TNNT3: variants seen among roughly 807,000 people sequenced by gnomAD.
TNNT3 encodes the protein troponin T3, fast skeletal type.
Under a neutral mutation model 54.2 loss-of-function variants are expected in TNNT3, and 36 were observed. That is an observed-to-expected ratio of 0.66 (90% confidence interval 0.51 to 0.88). TNNT3 has a LOEUF of 0.88. TNNT3 is among the 40% of genes least tolerant of loss of function. The pLI is 0.00. For synonymous variants in TNNT3, 120 were observed against 109.7 expected (o/e 1.09, Z -0.59); for missense variants, 291 against 331.6 (o/e 0.88, Z 0.95).
chr11:1,936,915 A>G (rs1261912297), intron 14 of TNNT3, 48 bp from the exon 15 acceptor site: 4 of 1,574,608 alleles, frequency 2.5e-6, no homozygotes. Flanking sequence ...CAGTACACGC[A>G]GGCCTGGCCC....
At chr11:1,936,190 T>A (rs1161018287) in intron 14 of TNNT3, 4 of 1,613,720 alleles carry the variant, frequency 2.5e-6, no homozygotes, top group Non-Finnish European at 3.4e-6. Flanking sequence ...CCATCCAGCC[T>A]TGTAACCATC....
Position 1,926,680 on chromosome 11 carries a change from A to G in TNNT3, c.68-15A>G. ...CTCTCCCGCCCTTTCTGCCACCATG[A>G]CGCTGCTTCTGCAGAGGAAGTTCAA... On this transcript the variant is annotated splice_polypyrimidine_tract_variant and intron_variant, in intron 5 of 15. Transcript: ENST00000278317. 6.2e-7 allele frequency: 1 copy of G among 1,613,312 alleles called. No homozygotes were observed. The highest frequency in any genetic ancestry group is 8.5e-7 in the Non-Finnish European group (1 of 1,179,962).
At position 1,929,728 on chromosome 11, in the gene TNNT3, G is replaced by T. The variant is rs369979472; in HGVS notation, c.107-82G>T. The stretch of plus-strand genomic sequence containing the variant: ...AGTGAAGGGGAACCCAGGGCCGCAG[G>T]CCGCCCAGTCTCACCCAGGCTGTCT... On this transcript the variant is annotated intron_variant, in intron 7 of 15. Coordinates refer to ENST00000278317, the MANE Select transcript of TNNT3 (RefSeq NM_006757.4). 1.7e-4 allele frequency: 262 copies of T among 1,501,094 alleles called. 1 individual carries two copies. The highest frequency in any genetic ancestry group is 2.3e-4 in the Non-Finnish European group (249 of 1,101,522). 93.0% of individuals were successfully genotyped at this position (1,501,094 alleles called of 1,614,324 possible).
chr11:1,929,123 C>A lies in TNNT3; in HGVS notation c.86C>A (p.Thr29Asn), dbSNP rs1233477669. ...TGTGCCTTTTGCCACCTGGAAGACA[C>A]CGCAGAGGAGGACGCGGAAGGTAAG... The part of the protein sequence containing the change: ...AQEEEEVQED[T>N]AEEDAEEEKP... The change falls in exon 7 of 16, where the codon ACC becomes AAC. Residue 29 changes from threonine to asparagine, a missense_variant. Thr to Asn is a moderately conservative substitution (Grantham distance 65, BLOSUM62 0). Transcript: ENST00000278317. The A allele has an allele frequency of 1.9e-6, 3 of 1,613,136 alleles. No homozygotes were observed. The highest frequency in any genetic ancestry group is 2.7e-5 in the African/African-American group (2 of 74,938).
intron 15 of TNNT3, 47 bp downstream of exon 15, chr11:1,937,050 TG>T: frequency 6.4e-7 from 1 of 1,552,262 alleles, no homozygotes. Flanking sequence ...CAGGGGCCCT[TG>T]GGGCCAGCCG....
At chr11:1,920,912 G>A (rs1301672435) in intron 1 of TNNT3, among the ~76,000 whole-genome samples, 1 of 152,156 alleles carries the variant, frequency 6.6e-6, no homozygotes, top group Non-Finnish European at 1.5e-5. Context: ...GCCTTGTGTT[G>A]CTTCCAGGCG....
At position 1,923,017 on chromosome 11, in the gene TNNT3, C is replaced by A. The variant is rs753975720; in HGVS notation, c.18-31C>A. 10 of 1,613,742 alleles carry A rather than the reference C, an allele frequency of 6.2e-6. No homozygotes were observed. In the Admixed American group the frequency reaches 1.5e-4, roughly 24 times the overall value. On this transcript the variant is annotated intron_variant, in intron 2 of 15. Coordinates refer to ENST00000278317, the MANE Select transcript of TNNT3 (RefSeq NM_006757.4). ...AAGCCCAGCCTCACTACCTCTCTCT[C>A]TTTCTTTCTCTCTCTCTCCCTGCCC... is the stretch of plus-strand genomic sequence containing the variant.
intron 4 of TNNT3, among the ~76,000 whole-genome samples, chr11:1,924,062 A>G (rs73413018): frequency 0.035 from 5,337 of 151,512 alleles, 332 homozygotes; most frequent in African/African-American, 0.12. Context: ...GTGCCTGTGT[A>G]TCTCTCAGCT....
chr11:1,935,236 T>A (rs1854626373), intron 14 of TNNT3: 2 of 460,140 alleles, frequency 4.3e-6, no homozygotes, highest in Non-Finnish European at 8.0e-6. Context: ...CAGGGTTCAT[T>A]TTCGGAACCC....
intron 5 of TNNT3, 145 bp downstream of exon 5, chr11:1,925,261 G>C (rs1194329202): frequency 6.2e-7 from 1 of 1,605,758 alleles, no homozygotes; most frequent in African/African-American, 1.3e-5. Flanking sequence ...CTCAGCTGCA[G>C]AAGTCCATGA....
At chr11:1,926,976 G>T (rs1307719532) in intron 6 of TNNT3, among the ~76,000 whole-genome samples, 9 of 152,188 alleles carry the variant, frequency 5.9e-5, no homozygotes, top group Admixed American at 2.0e-4. Context: ...ACAGGAAGGT[G>T]GGAGGTGGGG....
chr11:1,927,509 GC>G (rs1851958417), intron 6 of TNNT3, among the ~76,000 whole-genome samples: 1 of 152,154 alleles, frequency 6.6e-6, no homozygotes, highest in African/African-American at 2.4e-5. Flanking sequence ...CCTCGGAGAG[GC>G]CCCTGGACAA....
intron 4 of TNNT3, 83 bp from the exon 5 acceptor site, chr11:1,925,016 C>A (rs756176045): frequency 3.9e-5 from 60 of 1,538,764 alleles, no homozygotes; most frequent in Non-Finnish European, 5.1e-5. Context: ...GTCCTTGCGG[C>A]CTGAGTACAC....
chr11:1,937,102 C>T (rs775756639), intron 15 of TNNT3, 99 bp downstream of exon 15: 19 of 1,329,686 alleles, frequency 1.4e-5, no homozygotes, highest in East Asian at 5.0e-5. Flanking sequence ...TGGCTGGCCT[C>T]GGCAGGGCAG....
chr11:1,938,317 G>A, intron 15 of TNNT3, 121 bp from the exon 16 acceptor site: 2 of 1,100,122 alleles, frequency 1.8e-6, no homozygotes, highest in Non-Finnish European at 2.8e-6. Context: ...CGCAAGCTTG[G>A]GCCGGGCCTG....
rs143371600 is a variant in TNNT3 at position 1,934,880 on chromosome 11, G to A, written c.642G>A (p.Lys214=). ...WETLHQLEID[K]FEFGEKLKRQ... ...CCCTGCACCAGCTGGAGATTGACAA[G>A]TTCGAGTTTGGGGAGAAGCTGAAAC... Residue 214 remains lysine (K), a synonymous_variant, in exon 14 of 16, where the codon AAG becomes AAA. Coordinates refer to ENST00000278317, the MANE Select transcript of TNNT3 (RefSeq NM_006757.4). 1.0e-4 allele frequency: 161 copies of A among 1,613,694 alleles called. No individual in the cohort carries two copies. In the African/African-American group the frequency reaches 2.1e-3, roughly 21 times the overall value.
At chr11:1,923,603 A>G (rs765750042) in intron 4 of TNNT3, 31 bp downstream of exon 4, 2 of 1,250,396 alleles carry the variant, frequency 1.6e-6, no homozygotes, top group Non-Finnish European at 2.1e-6. Flanking sequence ...AAGCCCCCCC[A>G]GCCCCTCCTT....
At position 1,929,128 on chromosome 11, in the gene TNNT3, G is replaced by C. The variant is rs1445101225; in HGVS notation, c.91G>C (p.Glu31Gln). ...CTTTTGCCACCTGGAAGACACCGCA[G>C]AGGAGGACGCGGAAGGTAAGGGCCC... ...EEEEVQEDTAEEDAEEEKPRP... is the reference protein window; with the variant it reads ...EEEEVQEDTAQEDAEEEKPRP... The change falls in exon 7 of 16, where the codon GAG (glutamate) becomes CAG (glutamine). Residue 31 changes from glutamate (E) to glutamine (Q), a missense_variant. Physicochemically the swap from Glu to Gln is conservative, Grantham distance 29. Transcript: ENST00000278317. The C allele has an allele frequency of 6.2e-7, 1 of 1,613,224 alleles. No homozygotes were observed. Among genetic ancestry groups the C allele is most frequent in the Non-Finnish European group, 8.5e-7 (1 of 1,179,968 alleles).
At position 1,934,543 on chromosome 11, in the gene TNNT3, C is replaced by T. The variant is rs113116151; in HGVS notation, c.481-3C>T. 6.2e-7 allele frequency: 1 copy of T among 1,608,524 alleles called. No individual in the cohort carries two copies. Among genetic ancestry groups the T allele is most frequent in the South Asian group, 1.1e-5 (1 of 90,554 alleles). The stretch of plus-strand genomic sequence containing the variant: ...CCCCTCTCTTTGGGCCTGTCCGCTG[C>T]AGGCTGACCAGAAGAGAGGCAAGAA... On this transcript the variant is annotated splice_polypyrimidine_tract_variant and splice_region_variant and intron_variant, in intron 12 of 15. Transcript: ENST00000278317.
Sources: gnomAD v4.1 joint callset for allele counts (sites outside exome capture counted in the v4.1 genomes callset) on GRCh38, gnomAD v4.1.1 for gene constraint, MANE v1.5 for transcripts, NCBI Gene and HGNC (gene_info 2026-07-23, HGNC 2026-07-21) for gene names.